GNG7: variants seen among roughly 807,000 people sequenced by gnomAD.
The protein encoded by GNG7 is G protein subunit gamma 7.
In GNG7, 1 loss-of-function variant was observed where a neutral mutation model predicts 4.0. That is an observed-to-expected ratio of 0.25 (90% CI 0.09 to 1.18). GNG7 has a LOEUF of 1.18. Ranked by LOEUF, GNG7 falls within the 50% of genes most tolerant of loss-of-function variation. The pLI, the probability that GNG7 is intolerant of heterozygous loss-of-function variation, is 0.50. For missense variants in GNG7, 86 were observed against 91.9 expected, an observed-to-expected ratio of 0.94 and a Z score of 0.26; for synonymous variants, 34 against 36.9, an observed-to-expected ratio of 0.92 and a Z score of 0.29.
intron 2 of GNG7, among the ~76,000 whole-genome samples, chr19:2,600,191 T>G (rs867322604): frequency 2.0e-5 from 3 of 151,842 alleles, no homozygotes; most frequent in South Asian, 2.1e-4. Context: ...CATAATCCCA[T>G]TAAATATTTT....
chr19:2,566,964 G>A (rs1021035200), intron 2 of GNG7, among the ~76,000 whole-genome samples: 5 of 151,912 alleles, frequency 3.3e-5, no homozygotes, highest in African/African-American at 1.2e-4. Context: ...AATTAGCCGG[G>A]CGCGGTGGCG....
At chr19:2,589,961 A>G (rs1204655583) in intron 2 of GNG7, among the ~76,000 whole-genome samples, 1 of 152,126 alleles carries the variant, frequency 6.6e-6, no homozygotes, top group Non-Finnish European at 1.5e-5. Context: ...ACAGACATGC[A>G]CTGCCGTACT....
At chr19:2,568,743 TA>T (rs1245571814) in intron 2 of GNG7, among the ~76,000 whole-genome samples, 1 of 144,110 alleles carries the variant, frequency 6.9e-6, no homozygotes, top group Non-Finnish European at 1.5e-5. Flanking sequence ...TATACATACA[TA>T]CACACATACA....
intron 1 of GNG7, among the ~76,000 whole-genome samples, chr19:2,672,446 A>AT (rs200691268): frequency 6.6e-4 from 96 of 144,618 alleles, no homozygotes; most frequent in African/African-American, 7.4e-4. Context: ...GTGACGCCCG[A>AT]TTTTTTTTTT....
chr19:2,679,385 A>C (rs1001371722), intron 1 of GNG7, among the ~76,000 whole-genome samples: 1 of 152,148 alleles, frequency 6.6e-6, no homozygotes, highest in African/African-American at 2.4e-5. Context: ...ATTGAATAAT[A>C]TTAGCAGTGA....
At chr19:2,590,605 C>T (rs1247589764) in intron 2 of GNG7, among the ~76,000 whole-genome samples, 22 of 123,628 alleles carry the variant, frequency 1.8e-4, no homozygotes, top group African/African-American at 7.1e-4. Flanking sequence ...ACCCACCCAC[C>T]CATCCATCCA....
chr19:2,524,985 T>G (rs1436037674), intron 3 of GNG7, among the ~76,000 whole-genome samples: 1 of 146,350 alleles, frequency 6.8e-6, no homozygotes, highest in African/African-American at 2.8e-5. Context: ...GCATCACCCA[T>G]GCAGTCGCCT....
chr19:2,600,331 G>A (rs1981161625), intron 2 of GNG7, among the ~76,000 whole-genome samples: 1 of 151,580 alleles, frequency 6.6e-6, no homozygotes, highest in South Asian at 2.1e-4. Context: ...TTCATGTCTG[G>A]CTTAATAGAA....
intron 1 of GNG7, 150 bp downstream of exon 1, chr19:2,702,496 T>C (rs1309974523): frequency 9.8e-5 from 14 of 142,710 alleles, no homozygotes; most frequent in African/African-American, 3.4e-4. Context: ...CAGCCTCCAG[T>C]TGCAGCCCGG....
intron 2 of GNG7, chr19:2,630,819 G>T (rs1461881093): frequency 6.6e-6 from 1 of 151,708 alleles, no homozygotes; most frequent in Non-Finnish European, 1.5e-5. Flanking sequence ...TAATAAATGG[G>T]TGTCACTCTA....
chr19:2,678,387 G>C (rs1319721172), intron 1 of GNG7, among the ~76,000 whole-genome samples: 1 of 152,188 alleles, frequency 6.6e-6, no homozygotes, highest in African/African-American at 2.4e-5. Flanking sequence ...GCATAGCAAG[G>C]CTTTGGATTC....
chr19:2,624,653 G>C (rs1030311622), intron 2 of GNG7, among the ~76,000 whole-genome samples: 4 of 152,098 alleles, frequency 2.6e-5, no homozygotes, highest in Non-Finnish European at 5.9e-5. Context: ...CAGGCCTCTC[G>C]TCTCCGGAGC....
chr19:2,639,588 A>AAG (rs1555699437), intron 2 of GNG7, among the ~76,000 whole-genome samples: 5 of 149,292 alleles, frequency 3.3e-5, no homozygotes, highest in Admixed American at 6.8e-5. Flanking sequence ...TGTCAAATGT[A>AAG]GATGGCAGGC....
At chr19:2,585,177 G>C (rs1980634660) in intron 2 of GNG7, among the ~76,000 whole-genome samples, 2 of 151,942 alleles carry the variant, frequency 1.3e-5, no homozygotes, top group South Asian at 4.2e-4. Context: ...AGATCTTTAG[G>C]GTTAATGGGG....
At position 2,609,063 on chromosome 19, in the gene GNG7, A is replaced by G. The variant is rs1025856029; in HGVS notation, c.-78+37161T>C. Among the ~76,000 whole-genome samples the G allele has an allele frequency of 6.6e-5, 10 of 151,334 alleles. No homozygotes were observed. Among genetic ancestry groups the G allele is most frequent in the African/African-American group, 1.9e-4 (8 of 41,094 alleles). On this transcript the variant is annotated intron_variant, in intron 2 of 4. Transcript: ENST00000382159. This position sits in a 1 kb window ranked among gnomAD's most constrained non-coding sequence, Gnocchi z 4.4. ...TTGTTTTGAGACAGGGTCTCACTCC[A>G]TCTTCCAGGCTGGAGTGCAGTGGTG...
In GNG7 at chr19:2,569,277, CTCTT is replaced by C. The variant is rs967615635; in HGVS notation, c.-77-14093_-77-14090del. Among the ~76,000 whole-genome samples, 28 of 133,288 alleles carry C rather than the reference CTCTT, an allele frequency of 2.1e-4. No individual in the cohort carries two copies. The East Asian group carries it at 3.9e-3, about 19-fold the overall frequency. The allele number at this position is 133,288 out of a possible 152,430, so 87.4% of individuals were successfully genotyped here. On this transcript the variant is annotated intron_variant, in intron 2 of 4. Transcript: ENST00000382159. The stretch of plus-strand genomic sequence containing the variant: ...GATCATCTCCATTCTCTCTCTCTCT[CTCTT>C]TCTTTTTTTTGTGAGACAGAGTCTC...
At chr19:2,527,829 T>C (rs1978458956) in intron 3 of GNG7, among the ~76,000 whole-genome samples, 1 of 150,962 alleles carries the variant, frequency 6.6e-6, no homozygotes, top group African/African-American at 2.4e-5. Flanking sequence ...GTCCCCAGAC[T>C]TGGACAGGTG....
intron 2 of GNG7, among the ~76,000 whole-genome samples, chr19:2,566,018 C>T (rs933920738): frequency 2.0e-5 from 3 of 151,880 alleles, no homozygotes; most frequent in Admixed American, 1.3e-4. Context: ...ATTAGTCAGG[C>T]GTGGTGGTGG....
intron 3 of GNG7, among the ~76,000 whole-genome samples, chr19:2,524,487 T>C (rs1158620645): frequency 6.6e-6 from 1 of 152,230 alleles, no homozygotes; most frequent in East Asian, 1.9e-4. Context: ...TGTGTATGTG[T>C]ATACTGGCAT....
Sources: gnomAD v4.1 joint callset for allele counts (sites outside exome capture counted in the v4.1 genomes callset) on GRCh38, gnomAD v4.1.1 for gene constraint, Gnocchi (gnomAD v3.1) non-coding constraint, MANE v1.5 for transcripts, NCBI Gene and HGNC (gene_info 2026-07-23, HGNC 2026-07-21) for gene names.